The following AKR1C4 variants were observed in gnomAD, a reference collection of about 807,000 sequenced individuals.
The protein encoded by AKR1C4 is aldo-keto reductase family 1 member C4, also known as 3-alpha-HSD1.
A neutral mutation model predicts 41.0 loss-of-function variants in AKR1C4; 44 were observed. The observed-to-expected ratio is 1.07, with a 90% confidence interval of 0.84 to 1.38. The LOEUF (loss-of-function observed/expected upper bound fraction) is 1.38. AKR1C4 is among the 40% of genes most tolerant of loss of function. AKR1C4 has a pLI of 0.00. For missense variants in AKR1C4, 438 were observed against 387.9 expected, an observed-to-expected ratio of 1.13 and a Z score of -1.09; for synonymous variants, 165 against 137.7, an observed-to-expected ratio of 1.20 and a Z score of -1.39.
chr10:5,216,303 A>G (rs1169291437), intron 7 of AKR1C4, among the ~76,000 whole-genome samples: 1 of 152,238 alleles, frequency 6.6e-6, no homozygotes, highest in African/African-American at 2.4e-5. Context: ...ACCCACTTCC[A>G]TCATTGGGGA....
intron 3 of AKR1C4, 148 bp from the exon 4 acceptor site, chr10:5,205,607 ACT>A (rs1488261734): frequency 2.0e-6 from 1 of 503,430 alleles, no homozygotes; most frequent in Non-Finnish European, 3.5e-6. Flanking sequence ...ATTCCTTAAA[ACT>A]CTGTACGTGA....
intron 5 of AKR1C4, among the ~76,000 whole-genome samples, 198 bp from the exon 6 acceptor site, chr10:5,212,418 G>A (rs1832589556): frequency 6.6e-6 from 1 of 152,180 alleles, no homozygotes; most frequent in Non-Finnish European, 1.5e-5. Flanking sequence ...GGTTCATAGA[G>A]TTGCTAATGC....
At chr10:5,214,890 G>T (rs1321142603) in intron 7 of AKR1C4, among the ~76,000 whole-genome samples, 4 of 152,056 alleles carry the variant, frequency 2.6e-5, no homozygotes, top group Admixed American at 6.6e-5. Flanking sequence ...TTTCCAATTT[G>T]TATACTGAGA....
At position 5,208,331 on chromosome 10, in the gene AKR1C4, T is replaced by C. The variant is rs1425386421; in HGVS notation, c.570+1934T>C. Among the ~76,000 whole-genome samples, 14 of 151,666 alleles carry C rather than the reference T, an allele frequency of 9.2e-5. 1 individual carries two copies. Among genetic ancestry groups the C allele is most frequent in the African/African-American group, 3.4e-4 (14 of 40,904 alleles). ...TATTTAAAATTTATGTATTTGGTAA[T>C]ATAATACAAAATCATGATTTTCAAT... On this transcript the variant is annotated intron_variant, in intron 5 of 8. Transcript: ENST00000263126.
Position 5,216,732 on chromosome 10 carries a change from T to G in AKR1C4, c.868T>G (p.Ser290Ala). The part of the protein sequence containing the change: ...NIQVFEFQLT[S>A]EDMKVLDGLN... ...GTAGGTTTTTGAATTCCAGTTGACA[T>G]CAGAGGATATGAAAGTTCTAGATGG... Residue 290 changes from serine to alanine, a missense_variant, in exon 8 of 9, where the codon TCA becomes GCA. Transcript: ENST00000263126. 1 of 1,611,956 alleles carries G rather than the reference T, an allele frequency of 6.2e-7. No homozygotes were observed.
At chr10:5,202,678 T>C (rs1232740107) in intron 2 of AKR1C4, among the ~76,000 whole-genome samples, 1 of 152,102 alleles carries the variant, frequency 6.6e-6, no homozygotes, top group Non-Finnish European at 1.5e-5. Context: ...TTGTTGAGGG[T>C]TTTTATCATA....
At position 5,216,708 on chromosome 10, in the gene AKR1C4, T is replaced by G. The variant is rs1554798543; in HGVS notation, c.847-3T>G. ...GAATAAACATTTTCTACTTCTTTGG[T>G]AGGTTTTTGAATTCCAGTTGACATC... is the stretch of plus-strand genomic sequence containing the variant. On this transcript the variant is annotated splice_region_variant and splice_polypyrimidine_tract_variant and intron_variant, in intron 7 of 8. Coordinates refer to ENST00000263126, the MANE Select transcript of AKR1C4 (RefSeq NM_001818.5). The G allele has an allele frequency of 1.1e-5, 18 of 1,604,854 alleles. No individual in the cohort carries two copies. The highest frequency in any genetic ancestry group is 1.5e-5 in the Non-Finnish European group (18 of 1,173,276).
intron 2 of AKR1C4, 41 bp from the exon 3 acceptor site, chr10:5,204,336 C>CA: frequency 7.0e-7 from 1 of 1,425,716 alleles, no homozygotes; most frequent in Non-Finnish European, 9.9e-7. Context: ...AAAACTAGCT[C>CA]ATGTTTTTAT....
chr10:5,206,629 G>T (rs1208861863), intron 5 of AKR1C4, among the ~76,000 whole-genome samples: 4 of 152,160 alleles, frequency 2.6e-5, no homozygotes, highest in Admixed American at 2.6e-4. Flanking sequence ...ATTTTTGGGG[G>T]AGGTGAATTT....
intron 5 of AKR1C4, 81 bp from the exon 6 acceptor site, chr10:5,212,535 C>T: frequency 2.4e-6 from 3 of 1,251,592 alleles, no homozygotes; most frequent in Non-Finnish European, 3.3e-6. Context: ...TAATGTTATA[C>T]TTTATTCAGC....
Position 5,213,008 on chromosome 10 carries a change from C to T in AKR1C4, c.695C>T (p.Ser232Phe). The change falls in exon 7 of 9, where the codon TCC becomes TTC. Residue 232 changes from serine to phenylalanine, a missense_variant. By Grantham distance (155) the Ser-to-Phe change is radical. Transcript: ENST00000263126. The stretch of plus-strand genomic sequence containing the variant: ...TTTCCTTCCAGGGTGGACCCAAACT[C>T]CCCAGTTCTTTTGGAGGACCCAGTT... ...QRHKLWVDPN[S>F]PVLLEDPVLC... 1 of 1,614,076 alleles carries T rather than the reference C, an allele frequency of 6.2e-7. No individual in the cohort carries two copies. The highest frequency in any genetic ancestry group is 8.5e-7 in the Non-Finnish European group (1 of 1,180,000).
Position 5,212,674 on chromosome 10 carries a change from A to G in AKR1C4, c.629A>G (p.Asp210Gly). Residue 210 changes from aspartate (D) to glycine (G), a missense_variant, in exon 6 of 9, where the codon GAC (aspartate) becomes GGC (glycine). Asp to Gly is a moderately conservative substitution (Grantham distance 94). Coordinates refer to ENST00000263126, the MANE Select transcript of AKR1C4 (RefSeq NM_001818.5). ...SKLLDFCKSK[D>G]IVLVAHSALG... ...CTGCTGGATTTCTGCAAGTCAAAAG[A>G]CATTGTTCTGGTTGCCCACAGTGCT... 8.7e-6 allele frequency: 14 copies of G among 1,614,112 alleles called. No homozygotes were observed. The highest frequency in any genetic ancestry group is 1.2e-5 in the Non-Finnish European group (14 of 1,180,010).
intron 2 of AKR1C4, among the ~76,000 whole-genome samples, chr10:5,200,723 G>A (rs1832388238): frequency 6.6e-6 from 1 of 152,124 alleles, no homozygotes; most frequent in Admixed American, 6.6e-5. Flanking sequence ...ACTGGACATC[G>A]TACTCACTAT....
chr10:5,210,745 G>A (rs554358039), intron 5 of AKR1C4, among the ~76,000 whole-genome samples: 1 of 152,064 alleles, frequency 6.6e-6, no homozygotes, highest in Non-Finnish European at 1.5e-5. Context: ...CAGAGTAGCT[G>A]GGATTACAGG....
At chr10:5,212,087 A>AT (rs1564403886) in intron 5 of AKR1C4, among the ~76,000 whole-genome samples, 1 of 152,246 alleles carries the variant, frequency 6.6e-6, no homozygotes, top group African/African-American at 2.4e-5. Flanking sequence ...CAGCCAAAAC[A>AT]TATGAATCAC....
In AKR1C4 at chr10:5,212,697, G is replaced by A. The variant is rs1564404105; in HGVS notation, c.652G>A (p.Ala218Thr). 4 of 1,613,854 alleles carry A rather than the reference G, an allele frequency of 2.5e-6. No individual in the cohort carries two copies. Among genetic ancestry groups the A allele is most frequent in the Admixed American group, 1.7e-5 (1 of 59,946 alleles). ...AGACATTGTTCTGGTTGCCCACAGTGCTCTGGGAACCCAACGACATAAACT... is the reference window on the plus strand; with the variant it reads ...AGACATTGTTCTGGTTGCCCACAGTACTCTGGGAACCCAACGACATAAACT... Reference protein sequence around the residue: ...SKDIVLVAHSALGTQRHKLWV... With the variant: ...SKDIVLVAHSTLGTQRHKLWV... The change falls in exon 6 of 9, where the codon GCT becomes ACT. Residue 218 changes from alanine to threonine, a missense_variant. Ala to Thr is a moderately conservative substitution (Grantham distance 58, BLOSUM62 0). Transcript: ENST00000263126.
intron 1 of AKR1C4, among the ~76,000 whole-genome samples, chr10:5,197,623 C>T (rs1363046101): frequency 6.6e-6 from 1 of 152,212 alleles, no homozygotes; most frequent in Non-Finnish European, 1.5e-5. Flanking sequence ...GGGTGGCCCT[C>T]TGACACGGAA....
At chr10:5,197,102 G>C (rs551130340) in intron 1 of AKR1C4, 151 bp downstream of exon 1, 3 of 736,052 alleles carry the variant, frequency 4.1e-6, no homozygotes, top group African/African-American at 1.8e-5. Context: ...TGTTCAAAGA[G>C]AAAAGGTAGT....
rs1554796798 is a variant in AKR1C4 at position 5,200,332 on chromosome 10, T to C, written c.236T>C (p.Ile79Thr). Residue 79 changes from isoleucine (I) to threonine (T), a missense_variant, in exon 2 of 9, where the codon ATA becomes ACA. Transcript: ENST00000263126. ...GATGGCAGTGTGAAGAGAGAAGACA[T>C]ATTCTACACTTCAAAGGTACTGTGC... Reference protein sequence around the residue: ...IADGSVKREDIFYTSKLWCTF... With the variant: ...IADGSVKREDTFYTSKLWCTF... 1 of 1,613,748 alleles carries C rather than the reference T, an allele frequency of 6.2e-7. No individual in the cohort carries two copies. Among genetic ancestry groups the C allele is most frequent in the Admixed American group, 1.7e-5 (1 of 59,988 alleles).
Sources: allele counts gnomAD v4.1 joint callset (sites outside exome capture counted in the v4.1 genomes callset), GRCh38; gene constraint gnomAD v4.1.1; transcripts MANE v1.5; gene names NCBI Gene and HGNC (gene_info 2026-07-23, HGNC 2026-07-21).